RELN: variants seen among roughly 807,000 people sequenced by gnomAD.
RELN encodes reelin.
Under a neutral mutation model 427.6 loss-of-function variants are expected in RELN, and 108 were observed. The ratio of observed to expected loss-of-function variants is 0.25; its 90% CI spans 0.22 to 0.30. The LOEUF (loss-of-function observed/expected upper bound fraction) is 0.30, where lower values mean the gene tolerates loss of function less well. Among genes scored for constraint, RELN ranks in the 10% least tolerant of loss-of-function variants. RELN has a pLI of 1.00. For missense variants in RELN, 3,715 were observed against 4,302.8 expected (o/e 0.86, Z 3.82); for synonymous variants, 1,524 against 1,513.4 (o/e 1.01, Z -0.16).
intron 11 of RELN, among the ~76,000 whole-genome samples, chr7:103,664,172 T>C (rs528195069): frequency 2.0e-5 from 3 of 152,348 alleles, no homozygotes; most frequent in East Asian, 3.9e-4. Context: ...ATGTTGGCTA[T>C]AACAGAAGTC....
chr7:103,733,612 A>G (rs950753807), intron 6 of RELN, among the ~76,000 whole-genome samples: 2 of 143,860 alleles, frequency 1.4e-5, no homozygotes, highest in East Asian at 2.0e-4. Context: ...ATGCAGCCAT[A>G]AAAAATGATG....
chr7:103,796,630 A>G (rs1792304881), intron 3 of RELN, among the ~76,000 whole-genome samples: 1 of 152,192 alleles, frequency 6.6e-6, no homozygotes, highest in Non-Finnish European at 1.5e-5. Flanking sequence ...GTACTCTGAG[A>G]GGCCATGGTG....
At chr7:103,562,083 G>T (rs2117179300) in intron 34 of RELN, 130 bp from the exon 35 acceptor site, 2 of 1,089,236 alleles carry the variant, frequency 1.8e-6, no homozygotes, top group Non-Finnish European at 2.7e-6. Flanking sequence ...TCTCTTTCTT[G>T]ACGTACTTTA....
At position 103,895,911 on chromosome 7, in the gene RELN, T is replaced by A. The variant is rs145182347; in HGVS notation, c.337+21164A>T. ...TGGAGAAAAAAGAATAGGCAAGCCA[T>A]GAATGGAAAAATATATTCACAAAAC... On this transcript the variant is annotated intron_variant, in intron 2 of 64. Coordinates refer to ENST00000428762, the MANE Select transcript of RELN (RefSeq NM_005045.4). Among the ~76,000 whole-genome samples, 21 of 152,160 alleles carry A rather than the reference T, an allele frequency of 1.4e-4. No individual in the cohort carries two copies. The East Asian group carries it at 4.1e-3, about 29-fold the overall frequency.
intron 1 of RELN, among the ~76,000 whole-genome samples, chr7:103,979,725 T>C (rs1224970097): frequency 2.6e-5 from 4 of 152,236 alleles, no homozygotes; most frequent in Non-Finnish European, 5.9e-5. Context: ...TTTACTGGAA[T>C]TTCCTAAAGA....
rs529722993 is a variant in RELN, at chr7:103,972,854, A to G, written c.226+16277T>C. Among the ~76,000 whole-genome samples the G allele has an allele frequency of 5.9e-5, 9 of 151,700 alleles. No individual in the cohort carries two copies. In the South Asian group the frequency reaches 1.5e-3, roughly 25 times the overall value. ...TTAATATTTTCTTTCATAAAGAGAT[A>G]GATGCTTCACACACTGCTAATGTAT... On this transcript the variant is annotated intron_variant, in intron 1 of 64. Transcript: ENST00000428762.
intron 2 of RELN, among the ~76,000 whole-genome samples, chr7:103,891,069 A>G (rs545088228): frequency 6.6e-6 from 1 of 152,230 alleles, no homozygotes; most frequent in South Asian, 2.1e-4. Context: ...ACAACAGAGC[A>G]AGACTCTGTC....
chr7:103,668,657 A>G (rs1242332267), intron 11 of RELN, among the ~76,000 whole-genome samples: 1 of 152,256 alleles, frequency 6.6e-6, no homozygotes, highest in Non-Finnish European at 1.5e-5. Context: ...GATTACATCA[A>G]TCATTCAAGG....
At position 103,603,520 on chromosome 7, in the gene RELN, T is replaced by A. The variant is rs759287038; in HGVS notation, c.3147-30A>T. 22 of 1,576,144 alleles carry A rather than the reference T, an allele frequency of 1.4e-5. No individual in the cohort carries two copies. Among genetic ancestry groups the A allele is most frequent in the Non-Finnish European group, 1.9e-5 (22 of 1,145,808 alleles). On this transcript the variant is annotated intron_variant, in intron 23 of 64. Coordinates refer to ENST00000428762, the MANE Select transcript of RELN (RefSeq NM_005045.4). The surrounding 1 kb of genome is among the most constrained non-coding windows in gnomAD (Gnocchi z 4.3). ...GAGAGAGCAGGGCTGAGTAGGCAGG[T>A]TACAGGCCCACCTGCCAATGCAATG...
At chr7:103,550,980 C>T in intron 41 of RELN, 87 bp downstream of exon 41, 2 of 1,091,616 alleles carry the variant, frequency 1.8e-6, no homozygotes, top group Non-Finnish European at 2.7e-6. Context: ...TGGAAATTTC[C>T]CCATGATAAA....
chr7:103,750,881 T>C (rs1245332621), intron 5 of RELN, among the ~76,000 whole-genome samples: 1 of 152,210 alleles, frequency 6.6e-6, no homozygotes, highest in African/African-American at 2.4e-5. Flanking sequence ...TTGAGGTATA[T>C]TGAATACCTA....
chr7:103,661,372 T>C lies in RELN; in HGVS notation c.1441+4A>G. 1 of 1,613,872 alleles carries C rather than the reference T, an allele frequency of 6.2e-7. No homozygotes were observed. Among genetic ancestry groups the C allele is most frequent in the Non-Finnish European group, 8.5e-7 (1 of 1,179,826 alleles). On this transcript the variant is annotated splice_donor_region_variant and intron_variant, in intron 12 of 64. Coordinates refer to ENST00000428762, the MANE Select transcript of RELN (RefSeq NM_005045.4). ...GTGAACAAAGTTTGTGAAAATGTAC[T>C]TACCCATCACAAAGTAAAACCTCAG... is the stretch of plus-strand genomic sequence containing the variant.
intron 51 of RELN, among the ~76,000 whole-genome samples, chr7:103,509,984 AAAC>A (rs1401235377): frequency 3.3e-5 from 5 of 152,164 alleles, no homozygotes; most frequent in African/African-American, 9.7e-5. Flanking sequence ...AAAAGTCAGG[AAAC>A]AACAGATGCT....
At chr7:103,590,512 A>G (rs1831385621) in intron 27 of RELN, among the ~76,000 whole-genome samples, 1 of 152,096 alleles carries the variant, frequency 6.6e-6, no homozygotes, top group Non-Finnish European at 1.5e-5. Context: ...GTGAGCTGAG[A>G]TCACGCCATT....
chr7:103,688,865 T>C (rs186384725), intron 10 of RELN, among the ~76,000 whole-genome samples: 99 of 152,248 alleles, frequency 6.5e-4, no homozygotes, highest in African/African-American at 2.1e-3. Flanking sequence ...CTGATTTACC[T>C]AACGTCTGTT....
At chr7:103,505,624 A>AAAAAGGCTGAAAATTCC (rs1214001565) in intron 51 of RELN, among the ~76,000 whole-genome samples, 1 of 152,242 alleles carries the variant, frequency 6.6e-6, no homozygotes, top group Admixed American at 6.5e-5. Context: ...AAACCAGCGC[A>AAAAAGGCTGAAAATTCC]AAAAGGCTGA....
chr7:103,960,601 G>C (rs1258225597), intron 1 of RELN, among the ~76,000 whole-genome samples: 1 of 152,126 alleles, frequency 6.6e-6, no homozygotes, highest in Non-Finnish European at 1.5e-5. Context: ...TCAATGAATG[G>C]ATAGAATTCT....
chr7:103,562,144 G>A (rs561380144), intron 34 of RELN, among the ~76,000 whole-genome samples, 191 bp from the exon 35 acceptor site: 64 of 152,214 alleles, frequency 4.2e-4, no homozygotes, highest in Non-Finnish European at 7.9e-4. Flanking sequence ...TCATAAACAG[G>A]AGAGTAGAAA....
intron 28 of RELN, among the ~76,000 whole-genome samples, chr7:103,585,658 C>A (rs986370246): frequency 6.6e-6 from 1 of 152,052 alleles, no homozygotes; most frequent in Non-Finnish European, 1.5e-5. Context: ...ACCAATCTTA[C>A]TAAAGAGATT....
Sources: gnomAD v4.1 joint callset for allele counts (sites outside exome capture counted in the v4.1 genomes callset) on GRCh38, gnomAD v4.1.1 for gene constraint, Gnocchi (gnomAD v3.1) non-coding constraint, MANE v1.5 for transcripts, NCBI Gene and HGNC (gene_info 2026-07-23, HGNC 2026-07-21) for gene names.